The following SIPA1L3 variants were observed in gnomAD, a reference collection of about 807,000 sequenced individuals.
The protein encoded by SIPA1L3 is signal-induced proliferation-associated 1-like protein 3.
Under a neutral mutation model 150.1 loss-of-function variants are expected in SIPA1L3, and 59 were observed. The ratio of observed to expected loss-of-function variants is 0.39; its 90% CI spans 0.32 to 0.49. SIPA1L3 has a LOEUF of 0.49. Ranked by LOEUF, SIPA1L3 falls within the 20% of genes least tolerant of loss-of-function variation. SIPA1L3 has a pLI of 0.86. For synonymous variants in SIPA1L3, 1,070 were observed against 1,077.6 expected (o/e 0.99, Z 0.14); for missense variants, 2,211 against 2,489.5 (o/e 0.89, Z 2.38).
chr19:38,180,329 T>C (rs779132511), intron 15 of SIPA1L3, among the ~76,000 whole-genome samples: 43 of 152,094 alleles, frequency 2.8e-4, no homozygotes, highest in Admixed American at 2.6e-4. Context: ...TAATTGTGTT[T>C]TTTTTTCTTT....
At chr19:38,080,148 T>C (rs1241320850) in intron 2 of SIPA1L3, among the ~76,000 whole-genome samples, 3 of 152,218 alleles carry the variant, frequency 2.0e-5, no homozygotes, top group African/African-American at 7.2e-5. Flanking sequence ...AGTAACCACA[T>C]GGATTTCTAG....
chr19:38,131,086 C>T (rs1370603865), intron 10 of SIPA1L3, among the ~76,000 whole-genome samples: 1 of 152,184 alleles, frequency 6.6e-6, no homozygotes, highest in African/African-American at 2.4e-5. Flanking sequence ...GCCTGTGGGC[C>T]CCCCACACTT....
chr19:37,993,684 C>G (rs1017634546), intron 1 of SIPA1L3, among the ~76,000 whole-genome samples: 1 of 152,082 alleles, frequency 6.6e-6, no homozygotes, highest in South Asian at 2.1e-4. Flanking sequence ...AGCATTCGAG[C>G]CTTTGTGTTT....
At chr19:38,141,076 A>T in intron 10 of SIPA1L3, 108 bp from the exon 11 acceptor site, 1 of 1,037,310 alleles carries the variant, frequency 9.6e-7, no homozygotes, top group Non-Finnish European at 1.3e-6. Context: ...AAAAAAAAAA[A>T]AAAAAAGCCA....
At chr19:38,057,648 T>C (rs1969350596) in intron 2 of SIPA1L3, among the ~76,000 whole-genome samples, 1 of 126,478 alleles carries the variant, frequency 7.9e-6, no homozygotes, top group African/African-American at 4.2e-5. Context: ...GGGTGAGAAC[T>C]TTTTTTTTTT....
intron 10 of SIPA1L3, 99 bp downstream of exon 10, chr19:38,130,871 GGGATAGGCA>G: frequency 7.6e-7 from 1 of 1,317,018 alleles, no homozygotes; most frequent in Non-Finnish European, 1.0e-6. Context: ...CAATAGAGGG[GGGATAGGCA>G]GGCCCTTCTA....
Position 38,046,362 on chromosome 19 carries a change from C to A in SIPA1L3, c.-311+17206C>A, listed in dbSNP as rs1228305603. On this transcript the variant is annotated intron_variant, in intron 2 of 21. Transcript: ENST00000222345. This position sits in a 1 kb window ranked among gnomAD's most constrained non-coding sequence, Gnocchi z 5.6. ...CCAGCGCTGCCAGCAGCCTGTCCCC[C>A]CTCCTCATTTCCCTATTTCTTTTGA... 1.3e-5 allele frequency among the ~76,000 whole-genome samples: 2 copies of A among 152,130 alleles called. No individual in the cohort carries two copies. Among genetic ancestry groups the A allele is most frequent in the African/African-American group, 4.8e-5 (2 of 41,402 alleles).
intron 13 of SIPA1L3, among the ~76,000 whole-genome samples, chr19:38,156,273 T>C (rs1971947360): frequency 6.6e-6 from 1 of 151,870 alleles, no homozygotes; most frequent in Non-Finnish European, 1.5e-5. Flanking sequence ...TTTTTCCTTT[T>C]TCCTCAGCAA....
At chr19:38,084,798 C>T (rs1970089997) in intron 3 of SIPA1L3, among the ~76,000 whole-genome samples, 1 of 151,858 alleles carries the variant, frequency 6.6e-6, no homozygotes, top group Non-Finnish European at 1.5e-5. Context: ...CGCTATCATG[C>T]CCAGCTAATT....
chr19:37,997,537 C>T (rs1290964663), intron 1 of SIPA1L3, among the ~76,000 whole-genome samples: 3 of 129,196 alleles, frequency 2.3e-5, no homozygotes, highest in Non-Finnish European at 3.1e-5. Context: ...CACTGCACTC[C>T]AGCCTGGGCA....
At chr19:38,056,587 T>G (rs1969320890) in intron 2 of SIPA1L3, among the ~76,000 whole-genome samples, 1 of 152,252 alleles carries the variant, frequency 6.6e-6, no homozygotes, top group Non-Finnish European at 1.5e-5. Context: ...TAATTAATGT[T>G]TGTTTCCTCC....
At chr19:37,973,612 G>A (rs964466398) in intron 1 of SIPA1L3, among the ~76,000 whole-genome samples, 2 of 148,972 alleles carry the variant, frequency 1.3e-5, no homozygotes, top group East Asian at 4.1e-4. Flanking sequence ...TGAGAGTGCT[G>A]CTCGCATGAC....
chr19:38,026,561 G>C (rs1014658487), intron 1 of SIPA1L3, among the ~76,000 whole-genome samples: 1 of 152,148 alleles, frequency 6.6e-6, no homozygotes, highest in Non-Finnish European at 1.5e-5. Flanking sequence ...AATAGATGCA[G>C]GGTGGGTCAA....
chr19:38,183,806 A>AGAGGTGCGGAGGCGGG (rs1300032082), intron 16 of SIPA1L3, among the ~76,000 whole-genome samples: 2 of 149,028 alleles, frequency 1.3e-5, no homozygotes, highest in East Asian at 3.9e-4. Context: ...GCGGAGGCGG[A>AGAGGTGCGGAGGCGGG]GAGGTGCGGA....
At position 38,182,639 on chromosome 19, in the gene SIPA1L3, G is replaced by C. The variant is rs1453832297; in HGVS notation, c.4329G>C (p.Lys1443Asn). The C allele has an allele frequency of 1.9e-6, 3 of 1,614,060 alleles. No individual in the cohort carries two copies. Among genetic ancestry groups the C allele is most frequent in the African/African-American group, 1.3e-5 (1 of 74,924 alleles). The change falls in exon 16 of 22, where the codon AAG becomes AAC. Residue 1443 changes from lysine to asparagine, a missense_variant. Coordinates refer to ENST00000222345, the MANE Select transcript of SIPA1L3 (RefSeq NM_015073.3). ...TTCAGCTCTCCGCCTCCGTCCCCAA[G>C]TCCTTCTTCTCCAAGCAGCCTGTAC... ...SPFQLSASVP[K>N]SFFSKQPVRN...
At chr19:38,151,791 AT>A (rs1971829076) in intron 12 of SIPA1L3, among the ~76,000 whole-genome samples, 1 of 151,900 alleles carries the variant, frequency 6.6e-6, no homozygotes, top group South Asian at 2.1e-4. Context: ...GGTGAAACCC[AT>A]CTCTACAAAA....
chr19:37,944,834 CAGCTACTCGGGAGGCTG>C (rs891767169), intron 1 of SIPA1L3, among the ~76,000 whole-genome samples: 1 of 152,082 alleles, frequency 6.6e-6, no homozygotes, highest in African/African-American at 2.4e-5. Flanking sequence ...CCTCTAATCC[CAGCTACTCGGGAGGCTG>C]AGCCAGGAGA....
rs955054968 is a variant in SIPA1L3, at chr19:38,088,975, C to A, written c.1665+124C>A. The A allele has an allele frequency of 1.8e-5, 18 of 1,017,970 alleles. No homozygotes were observed. The Admixed American group carries it at 4.0e-4, about 22-fold the overall frequency. 63.1% of individuals were successfully genotyped at this position (1,017,970 alleles called of 1,614,324 possible). On this transcript the variant is annotated intron_variant, in intron 4 of 21. Coordinates refer to ENST00000222345, the MANE Select transcript of SIPA1L3 (RefSeq NM_015073.3). ...AATCCTCCCAACAACCCCGGGAGAG[C>A]AATCCTGTTAGTCTCTCCATCTCAC...
At chr19:37,926,350 C>T (rs369453665) in intron 1 of SIPA1L3, among the ~76,000 whole-genome samples, 4 of 152,302 alleles carry the variant, frequency 2.6e-5, no homozygotes, top group South Asian at 2.1e-4. Flanking sequence ...CCCTTTTCCA[C>T]GGGGACCTCA....
Sources: allele counts gnomAD v4.1 joint callset (sites outside exome capture counted in the v4.1 genomes callset), GRCh38; gene constraint gnomAD v4.1.1; non-coding constraint Gnocchi (gnomAD v3.1); transcripts MANE v1.5; gene names NCBI Gene and HGNC (gene_info 2026-07-23, HGNC 2026-07-21).